Variants in CENPW observed in about 807,000 individuals in gnomAD.
CENPW encodes centromere protein W.
CENPW carries 3 observed loss-of-function variants against 11.1 expected under a neutral mutation model. That is an observed-to-expected ratio of 0.27 (90% confidence interval 0.12 to 0.70). The LOEUF (loss-of-function observed/expected upper bound fraction) is 0.70, where lower values mean the gene tolerates loss of function less well. Among genes scored for constraint, CENPW ranks in the 30% least tolerant of loss-of-function variants. CENPW has a pLI of 0.77. For synonymous variants in CENPW, 38 were observed against 42.0 expected, an observed-to-expected ratio of 0.91 and a Z score of 0.37; for missense variants, 100 against 105.6, an observed-to-expected ratio of 0.95 and a Z score of 0.23.
chr6:126,449,856 G>T, the CENPW span, among the ~76,000 whole-genome samples: 8 of 151,122 alleles, frequency 5.3e-5, no homozygotes, highest in South Asian at 2.1e-4. Flanking sequence ...TAAACTAAAA[G>T]AAAATGACCT....
chr6:126,386,427 C>A, the CENPW span, among the ~76,000 whole-genome samples: 1 of 152,046 alleles, frequency 6.6e-6, no homozygotes, highest in African/African-American at 2.4e-5. Context: ...TAGTAAAGTG[C>A]ACTATTAAAC....
At chr6:126,349,225 G>A (rs1188234883), downstream of CENPW, among the ~76,000 whole-genome samples, 1 of 152,028 alleles carries the variant, frequency 6.6e-6, no homozygotes, top group African/African-American at 2.4e-5. Context: ...AGATAGTACA[G>A]AGAAGTCCCA....
the CENPW span, among the ~76,000 whole-genome samples, chr6:126,464,354 T>C: frequency 7.9e-5 from 12 of 152,064 alleles, no homozygotes; most frequent in South Asian, 2.1e-4. Context: ...ATGGTTAATA[T>C]TGAGTGTAAA....
At position 126,346,321 on chromosome 6, in the gene CENPW, A is replaced by G; in HGVS notation, c.240+3A>G. The G allele has an allele frequency of 6.4e-7, 1 of 1,565,368 alleles. No homozygotes were observed. The highest frequency in any genetic ancestry group is 8.7e-7 in the Non-Finnish European group (1 of 1,144,294). On this transcript the variant is annotated splice_donor_region_variant and intron_variant, in intron 2 of 2. Transcript: ENST00000368328. ...AGCATGTACTGGCCGCAGCAAAGGT[A>G]AAATCCAAATTTCTTTTCTCGAGCA...
the CENPW span, among the ~76,000 whole-genome samples, chr6:126,449,482 T>C: frequency 6.6e-6 from 1 of 151,078 alleles, no homozygotes; most frequent in Non-Finnish European, 1.5e-5. Flanking sequence ...TCTGTGTCTC[T>C]TTAGTGTATT....
chr6:126,406,459 A>G, the CENPW span, among the ~76,000 whole-genome samples: 41 of 152,074 alleles, frequency 2.7e-4, no homozygotes, highest in South Asian at 3.7e-3. Context: ...ATTTGGTTTT[A>G]CTATCAGAGT....
the CENPW span, among the ~76,000 whole-genome samples, chr6:126,432,488 C>T: frequency 6.6e-6 from 1 of 152,210 alleles, no homozygotes; most frequent in Non-Finnish European, 1.5e-5. Context: ...TTTAAATTAG[C>T]TTTTTAATTT....
the CENPW span, among the ~76,000 whole-genome samples, chr6:126,472,926 T>C: frequency 4.6e-5 from 7 of 152,206 alleles, no homozygotes; most frequent in African/African-American, 1.7e-4. Context: ...GGAGAATTTT[T>C]ATCTAATAGA....
chr6:126,433,153 C>A, the CENPW span, among the ~76,000 whole-genome samples: 1 of 152,204 alleles, frequency 6.6e-6, no homozygotes, highest in East Asian at 1.9e-4. Context: ...TTATGCATGA[C>A]ACATTTCATT....
At chr6:126,405,627 T>A in the CENPW span, among the ~76,000 whole-genome samples, 1 of 152,234 alleles carries the variant, frequency 6.6e-6, no homozygotes, top group Non-Finnish European at 1.5e-5. Context: ...ATTTTTCTAA[T>A]ATGTGAACAT....
the CENPW span, among the ~76,000 whole-genome samples, chr6:126,463,811 C>A: frequency 6.6e-6 from 1 of 152,122 alleles, no homozygotes; most frequent in South Asian, 2.1e-4. Flanking sequence ...TAAAAACTTT[C>A]CATAAAAACT....
At chr6:126,440,839 T>A in the CENPW span, among the ~76,000 whole-genome samples, 1 of 151,454 alleles carries the variant, frequency 6.6e-6, no homozygotes, top group African/African-American at 2.4e-5. Context: ...ATGAAAGGTA[T>A]TCAGAAAGAA....
the CENPW span, among the ~76,000 whole-genome samples, chr6:126,386,923 G>A: frequency 1.4e-4 from 22 of 151,896 alleles, no homozygotes; most frequent in Admixed American, 2.6e-4. Flanking sequence ...TATTAAAGCA[G>A]ACTTTTTGGA....
the CENPW span, among the ~76,000 whole-genome samples, chr6:126,411,192 G>T: frequency 6.6e-6 from 1 of 152,154 alleles, no homozygotes; most frequent in Middle Eastern, 3.2e-3. Context: ...GGGGTATGGG[G>T]ACTCTGTTTC....
chr6:126,453,174 A>G, the CENPW span, among the ~76,000 whole-genome samples: 4 of 151,156 alleles, frequency 2.6e-5, no homozygotes, highest in African/African-American at 9.7e-5. Flanking sequence ...CAACCTTGCT[A>G]GAGAGGCCAA....
the CENPW span, among the ~76,000 whole-genome samples, chr6:126,389,007 A>G: frequency 2.0e-5 from 3 of 151,962 alleles, no homozygotes; most frequent in East Asian, 3.9e-4. Context: ...TAAGTAGTCA[A>G]TGAAAAAATT....
the CENPW span, among the ~76,000 whole-genome samples, chr6:126,474,080 C>CAT: frequency 5.4e-5 from 8 of 149,016 alleles, no homozygotes; most frequent in Admixed American, 1.3e-4. Context: ...GAATATATTT[C>CAT]ATATATATAT....
the CENPW span, among the ~76,000 whole-genome samples, chr6:126,360,104 A>G: frequency 6.6e-6 from 1 of 152,176 alleles, no homozygotes; most frequent in Non-Finnish European, 1.5e-5. Context: ...AAGACATCTT[A>G]TAAGGCCGGT....
At chr6:126,369,769 G>A in the CENPW span, among the ~76,000 whole-genome samples, 2 of 152,236 alleles carry the variant, frequency 1.3e-5, no homozygotes, top group Admixed American at 1.3e-4. Flanking sequence ...CTGTGCAGAA[G>A]TTTTTTAGTT....
Sources: allele counts gnomAD v4.1 joint callset (sites outside exome capture counted in the v4.1 genomes callset), GRCh38; gene constraint gnomAD v4.1.1; transcripts MANE v1.5; gene names NCBI Gene and HGNC (gene_info 2026-07-23, HGNC 2026-07-21).